OSR1: variants seen among roughly 807,000 people sequenced by gnomAD.
OSR1 encodes the protein protein odd-skipped-related 1.
In OSR1, 3 loss-of-function variants were observed where a neutral mutation model predicts 15.7. The ratio of observed to expected loss-of-function variants is 0.19; its 90% CI spans 0.09 to 0.50. The LOEUF (loss-of-function observed/expected upper bound fraction) is 0.50. OSR1 is among the 20% of genes least tolerant of loss of function. OSR1 has a pLI of 0.97. For missense variants in OSR1, 271 were observed against 351.1 expected, an observed-to-expected ratio of 0.77 and a Z score of 1.82; for synonymous variants, 166 against 152.7, an observed-to-expected ratio of 1.09 and a Z score of -0.64.
intron 2 of OSR1, 113 bp from the exon 3 acceptor site, chr2:19,352,523 A>C: frequency 7.7e-7 from 1 of 1,297,598 alleles, no homozygotes; most frequent in East Asian, 2.3e-5. Flanking sequence ...AAAAGTGTAT[A>C]GTCAGGTACC....
At chr2:19,346,917 T>A (rs558455354), downstream of OSR1, among the ~76,000 whole-genome samples, 1 of 152,338 alleles carries the variant, frequency 6.6e-6, no homozygotes, top group Non-Finnish European at 1.5e-5. Flanking sequence ...CCATAGGTTG[T>A]TTTTTAACTC....
rs1283117198 is a variant in OSR1 at position 19,352,125 on chromosome 2, G to A, written c.*150C>T. On this transcript the variant is annotated 3_prime_UTR_variant, in exon 3 of 3. Transcript: ENST00000272223. ...GCGGCCCCGGGCGGGGCTCTGAAGT[G>A]CCGCGTGCGCCAGGGACCCAGGGGA... 1.2e-6 allele frequency: 1 copy of A among 866,994 alleles called. No homozygotes were observed. The highest frequency in any genetic ancestry group is 1.7e-5 in the African/African-American group (1 of 58,778). The allele number at this position is 866,994 out of a possible 1,614,324, so 53.7% of individuals were successfully genotyped here. A position where few individuals can be genotyped will look rare whatever the true frequency, so the allele number is the denominator to read the frequency against.
chr2:19,354,016 C>T (rs1200681655), intron 1 of OSR1, 179 bp from the exon 2 acceptor site: 11 of 565,130 alleles, frequency 1.9e-5, no homozygotes, highest in Admixed American at 6.2e-5. Flanking sequence ...GAATGTAAGA[C>T]GCAGGGGAGC....
chr2:19,357,301 GT>G lies in OSR1; in HGVS notation c.-33+1039del, dbSNP rs1664969902. ...CCTGGGACACCTAGCCTTGCACGTG[GT>G]TTTGTTCCGCAGAGCCAATGCGCAG... On this transcript the variant is annotated intron_variant, in intron 1 of 2. Transcript: ENST00000272223. This position sits in a 1 kb window ranked among gnomAD's most constrained non-coding sequence, Gnocchi z 5.0. 1.3e-5 allele frequency among the ~76,000 whole-genome samples: 2 copies of G among 152,188 alleles called. No individual in the cohort carries two copies. Among genetic ancestry groups the G allele is most frequent in the Admixed American group, 1.3e-4 (2 of 15,278 alleles).
At chr2:19,354,427 G>T (rs532414605) in intron 1 of OSR1, 8 of 148,728 alleles carry the variant, frequency 5.4e-5, no homozygotes, top group African/African-American at 2.0e-4. Context: ...ACACACACGG[G>T]ATCACATTGC....
At chr2:19,346,697 G>A (rs1282965378), downstream of OSR1, 2 of 152,380 alleles carry the variant, frequency 1.3e-5, no homozygotes, top group South Asian at 2.1e-4. Flanking sequence ...GAGTCGGGGA[G>A]GTTGAGGATG....
At chr2:19,346,967 T>C (rs370362302), downstream of OSR1, among the ~76,000 whole-genome samples, 26 of 152,322 alleles carry the variant, frequency 1.7e-4, no homozygotes, top group African/African-American at 6.0e-4. Context: ...CGCTCTGACA[T>C]AGGGCCATGA....
chr2:19,358,063 C>A (rs1017215538), intron 1 of OSR1: 2 of 152,280 alleles, frequency 1.3e-5, no homozygotes, highest in African/African-American at 2.4e-5. Flanking sequence ...GCACCTCGCC[C>A]GTGATTCCGC....
In OSR1 at chr2:19,353,385, C is replaced by T. The variant is rs1294289762; in HGVS notation, c.421G>A (p.Gly141Ser). 6.2e-7 allele frequency: 1 copy of T among 1,614,174 alleles called. No individual in the cohort carries two copies. Among genetic ancestry groups the T allele is most frequent in the South Asian group, 1.1e-5 (1 of 91,088 alleles). ...GCACCCAGCCCACCTGCAGGGGAGC[C>T]TGGGCCCTCCCCGCGACCGAGCTTG... ...PAKLGRGEGP[G>S]SPAGGLGALL... The change falls in exon 2 of 3, where the codon GGC (glycine) becomes AGC (serine). Residue 141 changes from glycine (G) to serine (S), a missense_variant. Around this residue, in one of 4 missense-constraint regions of OSR1, gnomAD observed 210 missense variants for 218.4 expected, o/e 0.96. Transcript: ENST00000272223.
intron 1 of OSR1, chr2:19,356,392 G>C (rs955226373): frequency 1.3e-5 from 2 of 152,306 alleles, no homozygotes; most frequent in African/African-American, 2.4e-5. Context: ...GAAGCATTCG[G>C]AAGCCAGTGC....
chr2:19,346,588 G>A (rs1355156437), downstream of OSR1: 2 of 152,256 alleles, frequency 1.3e-5, no homozygotes, highest in Non-Finnish European at 2.9e-5. Flanking sequence ...AACATAGCAA[G>A]AGCTCGTCTC....
intron 1 of OSR1, chr2:19,356,383 A>G (rs1664950611): frequency 6.6e-6 from 1 of 152,234 alleles, no homozygotes; most frequent in Non-Finnish European, 1.5e-5. Context: ...TTGTTTTCTG[A>G]AGCATTCGGA....
rs1009118324 is a variant in OSR1 at position 19,353,992 on chromosome 2, C to T, written c.-32-155G>A. The T allele has an allele frequency of 1.7e-5, 11 of 629,384 alleles. No homozygotes were observed. Among genetic ancestry groups the T allele is most frequent in the Non-Finnish European group, 2.7e-5 (10 of 371,650 alleles). 39.0% of individuals were successfully genotyped at this position (629,384 alleles called of 1,614,324 possible). On this transcript the variant is annotated intron_variant, in intron 1 of 2. Transcript: ENST00000272223. The stretch of plus-strand genomic sequence containing the variant: ...CCCCATTCCCAAAACCCACTGCCCT[C>T]ACAAAGAGGGTGGGAATGTAAGACG...
rs769304282 is a variant in OSR1 at position 19,353,648 on chromosome 2, T to C, written c.158A>G (p.His53Arg). Residue 53 changes from histidine to arginine, a missense_variant, in exon 2 of 3, where the codon CAT becomes CGT. This residue lies in a region of OSR1 where 210 missense variants were observed against 218.4 expected (regional missense o/e 0.96). Transcript: ENST00000272223. The stretch of plus-strand genomic sequence containing the variant: ...GGCCGGGTAGCCCAGCGTCCACTGA[T>C]GCAGGTGCACAGCGTGCAACGCGCT... ...GFSALHAVHL[H>R]QWTLGYPAMH... The C allele has an allele frequency of 6.2e-7, 1 of 1,614,254 alleles. No homozygotes were observed. Among genetic ancestry groups the C allele is most frequent in the Non-Finnish European group, 8.5e-7 (1 of 1,180,040 alleles).
intron 2 of OSR1, among the ~76,000 whole-genome samples, chr2:19,352,877 G>A (rs1664868260): frequency 6.6e-6 from 1 of 152,224 alleles, no homozygotes; most frequent in Non-Finnish European, 1.5e-5. Flanking sequence ...TGAGGATGGA[G>A]GAAGTGGGGC....
At chr2:19,354,155 G>A in intron 1 of OSR1, 1 of 238,936 alleles carries the variant, frequency 4.2e-6, no homozygotes, top group Non-Finnish European at 8.2e-6. Flanking sequence ...AAGGGAAACT[G>A]CCTGTCCTGT....
At chr2:19,349,193 G>C (rs1664791076), downstream of OSR1, among the ~76,000 whole-genome samples, 1 of 152,192 alleles carries the variant, frequency 6.6e-6, no homozygotes, top group Admixed American at 6.5e-5. Context: ...CACTGAGTAT[G>C]AGCAGGAAAC....
intron 2 of OSR1, 101 bp from the exon 3 acceptor site, chr2:19,352,511 G>C: frequency 7.1e-7 from 1 of 1,417,076 alleles, no homozygotes; most frequent in Non-Finnish European, 9.7e-7. Flanking sequence ...TGCCCTCAAA[G>C]GAAAAGTGTA....
intron 1 of OSR1, 55 bp from the exon 2 acceptor site, chr2:19,353,892 G>A (rs1664895598): frequency 1.4e-6 from 2 of 1,409,354 alleles, no homozygotes; most frequent in Non-Finnish European, 1.9e-6. Flanking sequence ...AGTTCAGGGT[G>A]GGTCGCCTTC....
Sources: gnomAD v4.1 joint callset for allele counts (sites outside exome capture counted in the v4.1 genomes callset) on GRCh38, gnomAD v4.1.1 for gene constraint, gnomAD v4.1.1 regional missense constraint, Gnocchi (gnomAD v3.1) non-coding constraint, MANE v1.5 for transcripts, NCBI Gene and HGNC (gene_info 2026-07-23, HGNC 2026-07-21) for gene names.